Variants in ERC2 observed in about 807,000 individuals in gnomAD.
ERC2 encodes ERC protein 2.
A neutral mutation model predicts 114.8 loss-of-function variants in ERC2; 42 were observed. The ratio of observed to expected loss-of-function variants is 0.37; its 90% CI spans 0.29 to 0.47. The LOEUF is 0.47. ERC2 is among the 20% of genes least tolerant of loss of function. ERC2 has a pLI of 0.99. For synonymous variants in ERC2, 454 were observed against 425.5 expected (o/e 1.07, Z -0.82); for missense variants, 939 against 1,150.7 (o/e 0.82, Z 2.66).
intron 2 of ERC2, among the ~76,000 whole-genome samples, chr3:56,385,526 GCAACTAGTGGGTGAAAAC>G (rs1200918498): frequency 5.3e-5 from 8 of 152,092 alleles, no homozygotes; most frequent in African/African-American, 1.7e-4. Flanking sequence ...CCAGATTTGA[GCAACTAGTGGGTGAAAAC>G]GGAACATGAT....
At chr3:55,904,496 T>TA (rs1346649923) in intron 13 of ERC2, among the ~76,000 whole-genome samples, 2 of 152,206 alleles carry the variant, frequency 1.3e-5, no homozygotes, top group Non-Finnish European at 2.9e-5. Context: ...CTATTTTTAT[T>TA]ACATCAAAAT....
intron 12 of ERC2, among the ~76,000 whole-genome samples, chr3:55,962,402 A>G (rs2068449772): frequency 6.6e-6 from 1 of 152,272 alleles, no homozygotes; most frequent in South Asian, 2.1e-4. Flanking sequence ...AAGTAGCCAC[A>G]GACAATATAT....
chr3:55,588,604 T>C (rs920294712), intron 17 of ERC2, among the ~76,000 whole-genome samples: 2 of 152,186 alleles, frequency 1.3e-5, no homozygotes, highest in African/African-American at 4.8e-5. Context: ...ATGGGAAACA[T>C]TGGCTCTCAC....
At position 55,510,357 on chromosome 3, in the gene ERC2, A is replaced by T. The variant is rs1472340360; in HGVS notation, c.*959T>A. ...GCATTTGGATCTTGAAATGTGAATG[A>T]GTCCCAGCTTCTTCATGGAGACCTG... is the stretch of plus-strand genomic sequence containing the variant. On this transcript the variant is annotated 3_prime_UTR_variant, in exon 18 of 18. Coordinates refer to ENST00000288221, the MANE Select transcript of ERC2 (RefSeq NM_015576.3). 6.6e-6 allele frequency: 1 copy of T among 152,256 alleles called. No homozygotes were observed. The highest frequency in any genetic ancestry group is 1.5e-5 in the Non-Finnish European group (1 of 68,012). The allele number at this position is 152,256 out of a possible 1,614,324, so 9.4% of individuals were successfully genotyped here.
intron 13 of ERC2, among the ~76,000 whole-genome samples, chr3:55,901,537 A>T (rs2064138786): frequency 6.6e-6 from 1 of 152,192 alleles, no homozygotes; most frequent in South Asian, 2.1e-4. Context: ...AAATCTTTAA[A>T]GCCAGCAAAT....
intron 12 of ERC2, among the ~76,000 whole-genome samples, chr3:55,954,081 TAAAAAAAAAAAAAAAAAA>T (rs58512381): frequency 4.0e-5 from 2 of 50,358 alleles, no homozygotes; most frequent in Non-Finnish European, 6.9e-5. Flanking sequence ...CTCCATTATT[TAAAAAAAAAAAAAAAAAA>T]AAAAAAAAAA....
intron 17 of ERC2, among the ~76,000 whole-genome samples, chr3:55,579,002 G>A (rs1200863084): frequency 6.6e-6 from 1 of 152,210 alleles, no homozygotes; most frequent in Non-Finnish European, 1.5e-5. Flanking sequence ...AGGCTGGGAA[G>A]TGGCGTACTG....
At chr3:55,550,930 G>A (rs1356187437) in intron 17 of ERC2, among the ~76,000 whole-genome samples, 3 of 150,952 alleles carry the variant, frequency 2.0e-5, no homozygotes, top group Non-Finnish European at 3.0e-5. Flanking sequence ...GCAGAAGAAT[G>A]GCGTGAACCT....
chr3:55,595,883 T>C (rs953653221), intron 17 of ERC2, among the ~76,000 whole-genome samples: 1 of 151,544 alleles, frequency 6.6e-6, no homozygotes. Flanking sequence ...CAAATGAAAG[T>C]TGGAAATCCA....
At chr3:55,784,103 T>C (rs1019998934) in intron 14 of ERC2, among the ~76,000 whole-genome samples, 1 of 152,234 alleles carries the variant, frequency 6.6e-6, no homozygotes, top group African/African-American at 2.4e-5. Context: ...TAAGGCTTTT[T>C]AGGAATAATT....
chr3:56,466,695 C>T (rs1256764283), intron 1 of ERC2, among the ~76,000 whole-genome samples: 1 of 152,166 alleles, frequency 6.6e-6, no homozygotes, highest in Non-Finnish European at 1.5e-5. Flanking sequence ...AGAATCCCTT[C>T]TATTCATGTG....
At chr3:56,331,423 C>G (rs994714963) in intron 2 of ERC2, among the ~76,000 whole-genome samples, 1 of 152,156 alleles carries the variant, frequency 6.6e-6, no homozygotes, top group Non-Finnish European at 1.5e-5. Context: ...CCCAATCTCT[C>G]TCCCCCATTA....
At chr3:55,851,372 C>A (rs959279214) in intron 14 of ERC2, among the ~76,000 whole-genome samples, 1 of 152,126 alleles carries the variant, frequency 6.6e-6, no homozygotes, top group Admixed American at 6.5e-5. Context: ...TGCTACAACT[C>A]TTTACAATCA....
At chr3:56,107,236 T>G (rs2078714214) in intron 6 of ERC2, among the ~76,000 whole-genome samples, 1 of 151,054 alleles carries the variant, frequency 6.6e-6, no homozygotes, top group African/African-American at 2.4e-5. Flanking sequence ...TCCTGAAATT[T>G]CCAATCACAC....
intron 17 of ERC2, among the ~76,000 whole-genome samples, chr3:55,559,329 G>A (rs1471804240): frequency 6.6e-6 from 1 of 152,234 alleles, no homozygotes; most frequent in East Asian, 1.9e-4. Context: ...CACCCAAAGT[G>A]GTGAAGAGTA....
At position 55,830,897 on chromosome 3, in the gene ERC2, T is replaced by C. The variant is rs558275524; in HGVS notation, c.2564+57492A>G. On this transcript the variant is annotated intron_variant, in intron 14 of 17. Coordinates refer to ENST00000288221, the MANE Select transcript of ERC2 (RefSeq NM_015576.3). ...AATTTGAGGCTGCAGTGAGCTAGGA[T>C]TGCACCACTGAACTCCAGTCTGAGT... Among the ~76,000 whole-genome samples the C allele has an allele frequency of 2.2e-4, 34 of 152,176 alleles. 1 individual carries two copies. The South Asian group carries it at 6.0e-3, about 27-fold the overall frequency.
chr3:56,461,120 A>T (rs954595035), intron 1 of ERC2, among the ~76,000 whole-genome samples: 4 of 152,156 alleles, frequency 2.6e-5, no homozygotes, highest in African/African-American at 9.7e-5. Context: ...CTATTAGCAC[A>T]GAGACCAGCA....
At chr3:56,299,043 G>C (rs1032012271) in intron 2 of ERC2, among the ~76,000 whole-genome samples, 2 of 151,278 alleles carry the variant, frequency 1.3e-5, no homozygotes, top group Non-Finnish European at 2.9e-5. Flanking sequence ...AACTGTCTTT[G>C]AGGCATTTTA....
intron 13 of ERC2, among the ~76,000 whole-genome samples, chr3:55,949,329 C>T (rs1485344775): frequency 6.6e-6 from 1 of 151,930 alleles, no homozygotes; most frequent in Non-Finnish European, 1.5e-5. Flanking sequence ...AAGATCGCGC[C>T]ACTGCTCTCC....
Sources: allele counts gnomAD v4.1 joint callset (sites outside exome capture counted in the v4.1 genomes callset), GRCh38; gene constraint gnomAD v4.1.1; transcripts MANE v1.5; gene names NCBI Gene and HGNC (gene_info 2026-07-23, HGNC 2026-07-21).